SAMD4A: variants seen among roughly 807,000 people sequenced by gnomAD.
The protein encoded by SAMD4A is protein Smaug homolog 1.
SAMD4A carries 33 observed loss-of-function variants against 81.3 expected under a neutral mutation model. The ratio of observed to expected loss-of-function variants is 0.41; its 90% CI spans 0.31 to 0.54. The LOEUF is 0.54. SAMD4A is among the 20% of genes least tolerant of loss of function. The pLI is 0.37. For missense variants in SAMD4A, 854 were observed against 951.1 expected (o/e 0.90, Z 1.34); for synonymous variants, 389 against 382.1 (o/e 1.02, Z -0.21).
At chr14:54,761,572 C>T (rs1314695307) in intron 7 of SAMD4A, among the ~76,000 whole-genome samples, 1 of 152,210 alleles carries the variant, frequency 6.6e-6, no homozygotes, top group East Asian at 1.9e-4. Flanking sequence ...AGAACCTAGG[C>T]CCCTACTAGT....
At chr14:54,602,900 T>C (rs898457368) in intron 2 of SAMD4A, among the ~76,000 whole-genome samples, 1 of 152,210 alleles carries the variant, frequency 6.6e-6, no homozygotes, top group Admixed American at 6.5e-5. Flanking sequence ...TGGGGACCAG[T>C]ATCAAGGACA....
intron 2 of SAMD4A, among the ~76,000 whole-genome samples, chr14:54,580,268 G>A (rs1015790833): frequency 3.9e-5 from 6 of 152,062 alleles, no homozygotes. Flanking sequence ...AATGAGAGAG[G>A]CTCTATTTAC....
intron 2 of SAMD4A, among the ~76,000 whole-genome samples, chr14:54,660,226 C>T (rs576382799): frequency 1.3e-5 from 2 of 152,292 alleles, no homozygotes; most frequent in South Asian, 4.1e-4. Context: ...TCCTTTCATC[C>T]TCATAGGAAC....
At chr14:54,568,530 G>A (rs1481244526) in intron 2 of SAMD4A, among the ~76,000 whole-genome samples, 1 of 151,368 alleles carries the variant, frequency 6.6e-6, no homozygotes, top group Non-Finnish European at 1.5e-5. Context: ...TAGATGCCCG[G>A]GACTGCCCTT....
chr14:54,732,109 G>T (rs911590934), intron 3 of SAMD4A, among the ~76,000 whole-genome samples: 1 of 152,154 alleles, frequency 6.6e-6, no homozygotes, highest in African/African-American at 2.4e-5. Flanking sequence ...AATCATCTCT[G>T]TCAAATGAGT....
rs375265820 is a variant in SAMD4A, at chr14:54,787,904, G to A, written c.2129-1012G>A. Among the ~76,000 whole-genome samples the A allele has an allele frequency of 5.9e-5, 9 of 152,230 alleles. No homozygotes were observed. In the East Asian group the frequency reaches 1.4e-3, roughly 23 times the overall value. ...ACCTACCTCTAAGCTCTTGTTCATG[G>A]TATGCAAGACCCTATGGTCTGCTCC... On this transcript the variant is annotated intron_variant, in intron 12 of 12. Coordinates refer to ENST00000554335, the MANE Select transcript of SAMD4A (RefSeq NM_015589.6).
At chr14:54,642,728 G>T (rs1301150855) in intron 2 of SAMD4A, among the ~76,000 whole-genome samples, 1 of 152,246 alleles carries the variant, frequency 6.6e-6, no homozygotes, top group Non-Finnish European at 1.5e-5. Flanking sequence ...ACTGGGAGAA[G>T]CAGAAGGGAT....
intron 2 of SAMD4A, among the ~76,000 whole-genome samples, chr14:54,671,937 G>C (rs752090417): frequency 1.3e-5 from 2 of 151,530 alleles, no homozygotes; most frequent in Non-Finnish European, 2.9e-5. Flanking sequence ...ATGGAGAGTA[G>C]TGTTAGGGGG....
At chr14:54,692,880 C>CCG (rs1555343994) in intron 2 of SAMD4A, 6 of 144,092 alleles carry the variant, frequency 4.2e-5, no homozygotes, top group African/African-American at 1.3e-4. Context: ...CTTAGTGCCC[C>CCG]CCCCCGCAAA....
At chr14:54,638,638 C>T (rs1002003189) in intron 2 of SAMD4A, among the ~76,000 whole-genome samples, 6 of 152,164 alleles carry the variant, frequency 3.9e-5, no homozygotes, top group African/African-American at 1.4e-4. Context: ...ATAAGTAAAA[C>T]CGTTTCTGTT....
At position 54,567,534 on chromosome 14, in the gene SAMD4A, G is replaced by C. The variant is rs1478068299; in HGVS notation, c.-383G>C. On this transcript the variant is annotated 5_prime_UTR_variant, in exon 2 of 13. Coordinates refer to ENST00000554335, the MANE Select transcript of SAMD4A (RefSeq NM_015589.6). The stretch of plus-strand genomic sequence containing the variant: ...TCGGGAATGCGGGCGTGAAGGGTCC[G>C]AGTTGCCGCCCAGCGGGGAGGAGAC... 1 of 241,620 alleles carries C rather than the reference G, an allele frequency of 4.1e-6. No homozygotes were observed. Among genetic ancestry groups the C allele is most frequent in the African/African-American group, 2.4e-5 (1 of 42,426 alleles). The allele number at this position is 241,620 out of a possible 1,614,324, so 15.0% of individuals were successfully genotyped here.
At chr14:54,619,625 T>C (rs573358420) in intron 2 of SAMD4A, among the ~76,000 whole-genome samples, 2 of 152,200 alleles carry the variant, frequency 1.3e-5, no homozygotes, top group Non-Finnish European at 2.9e-5. Flanking sequence ...CCACTAGTTA[T>C]TTTTCCTGAT....
chr14:54,660,115 A>G (rs2035608002), intron 2 of SAMD4A, among the ~76,000 whole-genome samples: 1 of 151,536 alleles, frequency 6.6e-6, no homozygotes, highest in Non-Finnish European at 1.5e-5. Context: ...GTCAATCATC[A>G]TTCTCTTGTT....
At chr14:54,760,593 T>C in intron 7 of SAMD4A, 99 bp downstream of exon 7, 1 of 1,348,780 alleles carries the variant, frequency 7.4e-7, no homozygotes, top group Non-Finnish European at 9.4e-7. Context: ...AAATTCCCTG[T>C]CCAAGTAGAC....
intron 3 of SAMD4A, among the ~76,000 whole-genome samples, chr14:54,734,302 A>C (rs1446310687): frequency 6.6e-6 from 1 of 152,234 alleles, no homozygotes; most frequent in Non-Finnish European, 1.5e-5. Context: ...CCTGTCTGCA[A>C]ATCAGAAGCT....
intron 3 of SAMD4A, among the ~76,000 whole-genome samples, chr14:54,719,066 TC>T (rs2037195794): frequency 6.6e-6 from 1 of 152,034 alleles, no homozygotes; most frequent in Admixed American, 6.6e-5. Context: ...GGAACGCCTT[TC>T]CCCATTCCCC....
chr14:54,696,487 C>A (rs2140704751), intron 2 of SAMD4A, among the ~76,000 whole-genome samples: 1 of 152,352 alleles, frequency 6.6e-6, no homozygotes, highest in East Asian at 1.9e-4. Context: ...CTAGCCATTT[C>A]TTGCATGAGC....
At position 54,765,926 on chromosome 14, in the gene SAMD4A, C is replaced by G. The variant is rs75675960; in HGVS notation, c.1596+1386C>G. Among the ~76,000 whole-genome samples the G allele has an allele frequency of 6.9e-3, 1,044 of 152,192 alleles. 11 individuals carry two copies. Among genetic ancestry groups the G allele is most frequent in the African/African-American group, 0.024 (1,000 of 41,524 alleles). ...CCAAACCCTCATTTTTGCAGTTTCT[C>G]CTCTTGGCCGTATGGATTCTTATGT... On this transcript the variant is annotated intron_variant, in intron 8 of 12. Transcript: ENST00000554335.
chr14:54,655,176 T>G (rs946003398), intron 2 of SAMD4A, among the ~76,000 whole-genome samples: 8 of 152,180 alleles, frequency 5.3e-5, no homozygotes, highest in Admixed American at 1.3e-4. Flanking sequence ...GCTCATTATT[T>G]TGCGGATGAA....
Sources: allele counts gnomAD v4.1 joint callset (sites outside exome capture counted in the v4.1 genomes callset), GRCh38; gene constraint gnomAD v4.1.1; transcripts MANE v1.5; gene names NCBI Gene and HGNC (gene_info 2026-07-23, HGNC 2026-07-21).